Variants in NHS observed in about 807,000 individuals in gnomAD.
The protein encoded by NHS is actin remodeling regulator NHS.
NHS carries 5 observed loss-of-function variants against 72.5 expected under a neutral mutation model. The observed-to-expected ratio is 0.07, with a 90% CI of 0.04 to 0.14. NHS has a LOEUF of 0.14. Among genes scored for constraint, NHS ranks in the 10% least tolerant of loss-of-function variants. NHS has a pLI of 1.00. For synonymous variants in NHS, 464 were observed against 547.7 expected, an observed-to-expected ratio of 0.85 and a Z score of 2.13; for missense variants, 1,072 against 1,355.7, an observed-to-expected ratio of 0.79 and a Z score of 3.29.
chrX:17,488,783 TTTTC>T (rs764771326), intron 1 of NHS, among the ~76,000 whole-genome samples: 3 of 112,021 alleles, frequency 2.7e-5, no homozygotes, highest in Non-Finnish European at 3.8e-5. Flanking sequence ...TGTATTCTTT[TTTTC>T]TTTCTTTCTT....
At chrX:17,626,367 A>G (rs2065798339) in intron 1 of NHS, among the ~76,000 whole-genome samples, 1 of 112,288 alleles carries the variant, frequency 8.9e-6, no homozygotes, top group Non-Finnish European at 1.9e-5. Context: ...GTAGTTTGCA[A>G]TGGCAGGTTC....
intron 1 of NHS, among the ~76,000 whole-genome samples, chrX:17,379,912 A>G (rs1391809839): frequency 8.9e-6 from 1 of 112,066 alleles, no homozygotes; most frequent in Non-Finnish European, 1.9e-5. Flanking sequence ...TAAGTTTGAG[A>G]TACCTGATGT....
At chrX:17,509,261 C>A (rs2065074606) in intron 1 of NHS, among the ~76,000 whole-genome samples, 1 of 110,061 alleles carries the variant, frequency 9.1e-6, no homozygotes, top group African/African-American at 3.3e-5. Context: ...GAGTCTTACT[C>A]TGTTGCCCAG....
intron 1 of NHS, among the ~76,000 whole-genome samples, chrX:17,580,302 A>C (rs2065536525): frequency 9.0e-6 from 1 of 111,386 alleles, no homozygotes; most frequent in Admixed American, 9.5e-5. Context: ...CTAAAAGCTA[A>C]GGTGTCTTCA....
intron 1 of NHS, among the ~76,000 whole-genome samples, chrX:17,462,376 G>A (rs898366512): frequency 9.0e-6 from 1 of 111,313 alleles, no homozygotes; most frequent in African/African-American, 3.3e-5. Flanking sequence ...GTGGCCCCAG[G>A]ATTCTTTTCC....
At chrX:17,473,341 T>A (rs1282184449) in intron 1 of NHS, among the ~76,000 whole-genome samples, 1 of 112,355 alleles carries the variant, frequency 8.9e-6, no homozygotes, top group Non-Finnish European at 1.9e-5. Context: ...CTGATTGTTT[T>A]TCCTCAAATA....
At chrX:17,624,396 C>T (rs966580670) in intron 1 of NHS, among the ~76,000 whole-genome samples, 11 of 112,464 alleles carry the variant, frequency 9.8e-5, no homozygotes, top group African/African-American at 3.6e-4. Context: ...TGAACACACT[C>T]CTGTACCGGC....
rs760817373 is a variant in NHS at position 17,563,344 on chromosome X, T to C, written c.566-124398T>C. Among the ~76,000 whole-genome samples the C allele has an allele frequency of 4.4e-5, 5 of 112,511 alleles. No homozygotes were observed. In the East Asian group the frequency reaches 1.4e-3, roughly 32 times the overall value. ...GTTTAATGGGCTGAGCAGATTTGCT[T>C]CAGCTCACTGACATCACCTATGACT... On this transcript the variant is annotated intron_variant, in intron 1 of 8. Coordinates refer to ENST00000676302, the MANE Select transcript of NHS (RefSeq NM_001291867.2).
In NHS at chrX:17,727,582, A is replaced by G; in HGVS notation, c.3476A>G (p.Asn1159Ser). 1 of 1,211,557 alleles carries G rather than the reference A, an allele frequency of 8.3e-7. No individual in the cohort carries two copies. Among genetic ancestry groups the G allele is most frequent in the Non-Finnish European group, 1.1e-6 (1 of 895,318 alleles). Residue 1159 changes from asparagine to serine, a missense_variant, in exon 7 of 9, where the codon AAT (asparagine) becomes AGT (serine). By Grantham distance (46) the Asn-to-Ser change is conservative (BLOSUM62 1). Coordinates refer to ENST00000676302, the MANE Select transcript of NHS (RefSeq NM_001291867.2). ...SEEVKQKEEN[N>S]TDLPYLEEST... is the part of the protein sequence containing the mutation. Reference sequence around the variant, plus strand: ...GAAGTTAAGCAAAAAGAAGAAAACAATACAGATCTCCCTTATTTAGAGGAA... The same window carrying G: ...GAAGTTAAGCAAAAAGAAGAAAACAGTACAGATCTCCCTTATTTAGAGGAA...
chrX:17,634,076 C>T (rs1001773645), intron 1 of NHS, among the ~76,000 whole-genome samples: 1 of 111,787 alleles, frequency 8.9e-6, no homozygotes, highest in Non-Finnish European at 1.9e-5. Flanking sequence ...GAGCCTGACT[C>T]TCTGCTAAAG....
In NHS at chrX:17,687,913, G is replaced by T. The variant is rs775797533; in HGVS notation, c.718+19G>T. 7 of 1,202,948 alleles carry T rather than the reference G, an allele frequency of 5.8e-6. No individual in the cohort carries two copies. Among genetic ancestry groups the T allele is most frequent in the Non-Finnish European group, 6.7e-6 (6 of 891,229 alleles). On this transcript the variant is annotated intron_variant, in intron 2 of 8. Transcript: ENST00000676302. ...CGCAGAGGTGACAGATCCTGGGCTT[G>T]GGGGCTTTTGCGGGAGACAACTCGG...
intron 1 of NHS, among the ~76,000 whole-genome samples, chrX:17,685,828 G>A (rs1569308655): frequency 9.0e-6 from 1 of 111,724 alleles, no homozygotes; most frequent in East Asian, 2.8e-4. Flanking sequence ...ACCAAAATAG[G>A]AAAAGTCTTC....
intron 1 of NHS, among the ~76,000 whole-genome samples, chrX:17,485,403 AT>A (rs2064963521): frequency 8.9e-6 from 1 of 112,664 alleles, no homozygotes; most frequent in South Asian, 3.7e-4. Context: ...AAATGGAATA[AT>A]CTGCAGACTA....
chrX:17,690,628 T>C (rs930118699), intron 2 of NHS, among the ~76,000 whole-genome samples: 1 of 112,132 alleles, frequency 8.9e-6, no homozygotes, highest in Non-Finnish European at 1.9e-5. Context: ...CAATAACGTA[T>C]GCTGCCCACA....
intron 1 of NHS, among the ~76,000 whole-genome samples, chrX:17,572,491 CTTTTTTTTTTTTTT>C (rs760577193): frequency 2.1e-5 from 1 of 46,772 alleles, no homozygotes; most frequent in Non-Finnish European, 3.5e-5. Flanking sequence ...GCAACCCCTG[CTTTTTTTTTTTTTT>C]TTTTTTTTGC....
intron 1 of NHS, among the ~76,000 whole-genome samples, chrX:17,408,280 A>G (rs945899789): frequency 3.6e-5 from 4 of 111,737 alleles, no homozygotes; most frequent in Non-Finnish European, 7.5e-5. Flanking sequence ...TTCTGGGGTT[A>G]CAGGCATGAG....
At chrX:17,513,129 C>T (rs1312321570) in intron 1 of NHS, among the ~76,000 whole-genome samples, 1 of 111,874 alleles carries the variant, frequency 8.9e-6, no homozygotes, top group Non-Finnish European at 1.9e-5. Flanking sequence ...TTATTACGAG[C>T]TGAAGCAGAA....
chrX:17,696,503 G>GTA (rs1268653824), intron 3 of NHS, among the ~76,000 whole-genome samples: 2 of 112,314 alleles, frequency 1.8e-5, no homozygotes, highest in African/African-American at 6.5e-5. Context: ...GCTGTAACAG[G>GTA]TAGCCTGTTC....
At chrX:17,400,421 A>C (rs1309691148) in intron 1 of NHS, among the ~76,000 whole-genome samples, 4 of 111,098 alleles carry the variant, frequency 3.6e-5, no homozygotes, top group Admixed American at 1.9e-4. Context: ...CCTCGTCTCT[A>C]CTAAAAATAC....
Sources: allele counts gnomAD v4.1 joint callset (sites outside exome capture counted in the v4.1 genomes callset), GRCh38; gene constraint gnomAD v4.1.1; transcripts MANE v1.5; gene names NCBI Gene and HGNC (gene_info 2026-07-23, HGNC 2026-07-21).